AMZ1: variants seen among roughly 807,000 people sequenced by gnomAD.
The protein encoded by AMZ1 is archaemetzincin-1.
A neutral mutation model predicts 29.9 loss-of-function variants in AMZ1; 39 were observed. The observed-to-expected ratio is 1.30, with a 90% CI of 1.01 to 1.70. AMZ1 has a LOEUF of 1.70. Ranked by LOEUF, AMZ1 falls within the 40% of genes most tolerant of loss-of-function variation. The probability of loss-of-function intolerance (pLI) is 0.00; values close to 1 mark genes in which losing one functional copy is unlikely to be tolerated. For missense variants in AMZ1, 1,041 were observed against 680.6 expected (o/e 1.53, Z -5.89); for synonymous variants, 458 against 304.0 (o/e 1.51, Z -5.27).
exon 1 of AMZ1, chr7:2,764,890 C>T (rs1432428499): frequency 3.3e-5 from 5 of 152,178 alleles, no homozygotes; most frequent in Non-Finnish European, 5.9e-5. Context: ...CTTAAGCACG[C>T]GTTAGTTATC....
In AMZ1 at chr7:2,708,631, GCTGTGTGTGCTGGGCCTCACA is replaced by G; in HGVS notation, c.521_541del (p.Cys174_Leu180del). On this transcript the variant is annotated inframe_deletion, in exon 4 of 7. Coordinates refer to ENST00000683327, the MANE Select transcript of AMZ1 (RefSeq NM_001384743.1). ...TGAAGAACAACAAGCCAGGGGACGC[GCTGTGTGTGCTGGGCCTCACA>G]CTGTCTGACCTGTACCCCCATGAGG... 1.2e-6 allele frequency: 2 copies of G among 1,613,058 alleles called. No homozygotes were observed. Among genetic ancestry groups the G allele is most frequent in the Non-Finnish European group, 1.7e-6 (2 of 1,179,978 alleles).
chr7:2,733,622 A>T (rs1790012138), intron 4 of AMZ1: 1 of 735,950 alleles, frequency 1.4e-6, no homozygotes, highest in African/African-American at 1.7e-5. Context: ...GGGAAAGCAA[A>T]GGAAAAAGGC....
Position 2,731,389 on chromosome 7 carries a change from T to C in AMZ1, n.550+21573T>C. The C allele has an allele frequency of 3.7e-6, 6 of 1,613,316 alleles. No homozygotes were observed. Among genetic ancestry groups the C allele is most frequent in the Non-Finnish European group, 5.1e-6 (6 of 1,179,418 alleles). On this transcript the variant is annotated intron_variant and non_coding_transcript_variant, in intron 4 of 4. Coordinates refer to the AMZ1 transcript ENST00000489665. The surrounding 1 kb of genome is among the most constrained non-coding windows in gnomAD (Gnocchi z 6.0). ...CGGGTCGCCCCTGAAGTCCGGGAAGTGCTTCTTGATGCTCACGGTCTTCAC... is the reference window on the plus strand; with the variant it reads ...CGGGTCGCCCCTGAAGTCCGGGAAGCGCTTCTTGATGCTCACGGTCTTCAC...
At position 2,719,519 on chromosome 7, in the gene AMZ1, G is replaced by T. The variant is rs1299759129; in HGVS notation, c.*6641G>T. Among the ~76,000 whole-genome samples the T allele has an allele frequency of 6.6e-6, 1 of 152,192 alleles. No homozygotes were observed. Among genetic ancestry groups the T allele is most frequent in the African/African-American group, 2.4e-5 (1 of 41,440 alleles). On this transcript the variant is annotated 3_prime_UTR_variant, in exon 7 of 7. Coordinates refer to ENST00000683327, the MANE Select transcript of AMZ1 (RefSeq NM_001384743.1). ...GATCACCGCTCGATTGTATGGCACA[G>T]TTATTTTTAAAAATCCAGTCCAAGT...
At chr7:2,742,058 G>A (rs965933827) in intron 4 of AMZ1, among the ~76,000 whole-genome samples, 6 of 151,768 alleles carry the variant, frequency 4.0e-5, no homozygotes, top group Non-Finnish European at 7.4e-5. Flanking sequence ...GTCTCACCCT[G>A]TTGCCCAGGC....
chr7:2,727,372 G>C (rs1163170612), intron 4 of AMZ1, among the ~76,000 whole-genome samples: 2 of 151,948 alleles, frequency 1.3e-5, no homozygotes, highest in African/African-American at 4.8e-5. Flanking sequence ...GAGCCACTGC[G>C]CCCGGCCATC....
rs1789181358 is a variant in AMZ1 at position 2,717,249 on chromosome 7, C to T, written c.*4371C>T. 6.6e-6 allele frequency among the ~76,000 whole-genome samples: 1 copy of T among 152,264 alleles called. No individual in the cohort carries two copies. The highest frequency in any genetic ancestry group is 2.1e-4 in the South Asian group (1 of 4,834). On this transcript the variant is annotated 3_prime_UTR_variant, in exon 7 of 7. Transcript: ENST00000683327. ...TTTGTTTATAAAAGGAGGGCGAGGC[C>T]TGCACAGGAATATTTTTATCCCCGT... is the stretch of plus-strand genomic sequence containing the variant.
Position 2,712,489 on chromosome 7 carries a change from CCT to C in AMZ1, c.1109_1110del (p.Pro370ArgfsTer38), listed in dbSNP as rs1562375983. On this transcript the variant is annotated frameshift_variant, in exon 7 of 7. Transcript: ENST00000683327. LOFTEE classifies it low-confidence loss of function (END_TRUNC). ...PGTSVSEPLT[P>X]DAGSHTFASG... is the part of the protein sequence containing the mutation. ...CACCAGTGTGTCGGAGCCCCTCACC[CCT>C]GATGCCGGGAGTCACACCTTCGCCT... 1 of 1,610,036 alleles carries C rather than the reference CCT, an allele frequency of 6.2e-7. No individual in the cohort carries two copies. Among genetic ancestry groups the C allele is most frequent in the Non-Finnish European group, 8.5e-7 (1 of 1,178,898 alleles).
downstream of AMZ1, among the ~76,000 whole-genome samples, chr7:2,724,462 C>T (rs1789545086): frequency 6.6e-6 from 1 of 152,178 alleles, no homozygotes; most frequent in Non-Finnish European, 1.5e-5. Flanking sequence ...GAACAAGAGC[C>T]CTTCATTTTC....
chr7:2,686,983 G>C (rs2115033706), upstream of AMZ1, among the ~76,000 whole-genome samples: 1 of 151,060 alleles, frequency 6.6e-6, no homozygotes, highest in South Asian at 2.1e-4. Context: ...AAAGTGCTGG[G>C]ATTACAGGCA....
At chr7:2,728,835 C>CG (rs1235157067) in intron 4 of AMZ1, 4 of 152,386 alleles carry the variant, frequency 2.6e-5, no homozygotes, top group African/African-American at 7.2e-5. Flanking sequence ...TAATTCACCC[C>CG]GGTCATGAGG....
chr7:2,711,220 G>C (rs756657988), intron 6 of AMZ1, among the ~76,000 whole-genome samples: 47 of 152,222 alleles, frequency 3.1e-4, no homozygotes, highest in Non-Finnish European at 6.2e-4. Context: ...GCTGTTGTAG[G>C]GAGGGCAGTG....
chr7:2,709,294 G>A (rs763477359), intron 5 of AMZ1, 50 bp downstream of exon 5: 1 of 1,458,994 alleles, frequency 6.9e-7, no homozygotes, highest in Admixed American at 2.7e-5. Flanking sequence ...GGTGCTGTCT[G>A]AGCCCTTGGT....
intron 4 of AMZ1, among the ~76,000 whole-genome samples, chr7:2,752,149 G>A (rs1199610445): frequency 1.3e-5 from 2 of 152,062 alleles, no homozygotes; most frequent in African/African-American, 4.8e-5. Context: ...ATAGAAGACA[G>A]CCACTATTTT....
At chr7:2,762,546 C>T, upstream of AMZ1, 1 of 1,324,420 alleles carries the variant, frequency 7.6e-7, no homozygotes, top group Non-Finnish European at 1.0e-6. Flanking sequence ...GCCTTCTATT[C>T]TGGAGTTAGA....
At chr7:2,696,408 C>T (rs886101677) in intron 1 of AMZ1, among the ~76,000 whole-genome samples, 5 of 151,406 alleles carry the variant, frequency 3.3e-5, no homozygotes, top group East Asian at 2.0e-4. Flanking sequence ...AGGCGCCCGC[C>T]ACCACGCCTG....
chr7:2,692,697 C>T (rs1263298503), intron 1 of AMZ1, among the ~76,000 whole-genome samples: 1 of 152,174 alleles, frequency 6.6e-6, no homozygotes, highest in Non-Finnish European at 1.5e-5. Context: ...GGGGTGCTGC[C>T]TCCACACGCT....
At chr7:2,709,449 C>G (rs931182350) in intron 5 of AMZ1, among the ~76,000 whole-genome samples, 191 bp from the exon 6 acceptor site, 1 of 93,168 alleles carries the variant, frequency 1.1e-5, no homozygotes, top group African/African-American at 3.3e-5. Context: ...GGCCTCCCAC[C>G]CTGACTCACC....
chr7:2,702,864 C>G lies in AMZ1; in HGVS notation c.447C>G (p.Asp149Glu), dbSNP rs1320842267. The change falls in exon 3 of 7, where the codon GAC becomes GAG. Residue 149 changes from aspartate to glutamate, a missense_variant. By Grantham distance (45) the Asp-to-Glu change is conservative. Coordinates refer to ENST00000683327, the MANE Select transcript of AMZ1 (RefSeq NM_001384743.1). Reference sequence around the variant, plus strand: ...GCTGCTCCTCGCGGCCCAGCCGGGACTCTGACAGGCTCCAGCTCCACACAG... The same window carrying G: ...GCTGCTCCTCGCGGCCCAGCCGGGAGTCTGACAGGCTCCAGCTCCACACAG... ...SIRCSSRPSR[D>E]SDRLQLHTDG... 1.3e-6 allele frequency: 2 copies of G among 1,587,910 alleles called. No homozygotes were observed. Among genetic ancestry groups the G allele is most frequent in the East Asian group, 2.3e-5 (1 of 43,942 alleles).
Sources: allele counts gnomAD v4.1 joint callset (sites outside exome capture counted in the v4.1 genomes callset), GRCh38; gene constraint gnomAD v4.1.1; non-coding constraint Gnocchi (gnomAD v3.1); transcripts MANE v1.5; gene names NCBI Gene and HGNC (gene_info 2026-07-23, HGNC 2026-07-21).